The following JADE1 variants were observed in gnomAD, a reference collection of about 807,000 sequenced individuals.
The protein encoded by JADE1 is protein Jade-1.
In JADE1, 14 loss-of-function variants were observed where a neutral mutation model predicts 81.8. That is an observed-to-expected ratio of 0.17 (90% confidence interval 0.11 to 0.27). The LOEUF is 0.27. Ranked by LOEUF, JADE1 falls within the 10% of genes least tolerant of loss-of-function variation. The pLI, the probability that JADE1 is intolerant of heterozygous loss-of-function variation, is 1.00. For missense variants in JADE1, 690 were observed against 1,047.9 expected, an observed-to-expected ratio of 0.66 and a Z score of 4.71; for synonymous variants, 353 against 391.9, an observed-to-expected ratio of 0.90 and a Z score of 1.17.
intron 9 of JADE1, chr4:128,862,752 TAATTC>T (rs1731452971): frequency 1.0e-6 from 1 of 1,003,832 alleles, no homozygotes; most frequent in Non-Finnish European, 1.2e-6. Flanking sequence ...GTTTCTTGGG[TAATTC>T]ACAGGGGAAT....
intron 5 of JADE1, among the ~76,000 whole-genome samples, chr4:128,851,260 C>T (rs1462033279): frequency 6.6e-6 from 1 of 152,160 alleles, no homozygotes; most frequent in Non-Finnish European, 1.5e-5. Context: ...GTTTTTCAAC[C>T]TTGTAGAAGT....
intron 8 of JADE1, among the ~76,000 whole-genome samples, chr4:128,859,417 G>T (rs1431669538): frequency 6.6e-6 from 1 of 152,172 alleles, no homozygotes; most frequent in Non-Finnish European, 1.5e-5. Context: ...GCGTGTGTAT[G>T]CATGTGTGCA....
chr4:128,815,611 G>A (rs1726961546), intron 1 of JADE1, among the ~76,000 whole-genome samples: 1 of 152,140 alleles, frequency 6.6e-6, no homozygotes, highest in Non-Finnish European at 1.5e-5. Context: ...GTACTGAGGT[G>A]GTTGGAACAG....
Position 128,871,702 on chromosome 4 carries a change from G to C in JADE1, c.1969G>C (p.Gly657Arg). The C allele has an allele frequency of 6.2e-7, 1 of 1,614,130 alleles. No individual in the cohort carries two copies. ...AAATGGTGTGGTGATGCCAGACCATGGGAAAAGAAGAGACAATCGTTTTCA... is the reference window on the plus strand; with the variant it reads ...AAATGGTGTGGTGATGCCAGACCATCGGAAAAGAAGAGACAATCGTTTTCA... Reference protein sequence around the residue: ...QKNGVVMPDHGKRRDNRFHCD... With the variant: ...QKNGVVMPDHRKRRDNRFHCD... The change falls in exon 11 of 11, where the codon GGG becomes CGG. Residue 657 changes from glycine to arginine, a missense_variant. By Grantham distance (125) the Gly-to-Arg change is moderately radical. This residue lies in a region of JADE1 where 218 missense variants were observed against 274.3 expected (regional missense o/e 0.79). Coordinates refer to ENST00000226319, the MANE Select transcript of JADE1 (RefSeq NM_199320.4). This position sits in a 1 kb window ranked among gnomAD's most constrained non-coding sequence, Gnocchi z 4.1.
At chr4:128,836,414 A>G (rs932997761) in intron 2 of JADE1, among the ~76,000 whole-genome samples, 2 of 152,046 alleles carry the variant, frequency 1.3e-5, no homozygotes, top group Non-Finnish European at 2.9e-5. Flanking sequence ...TATATAAAAT[A>G]TACTATTCAT....
intron 1 of JADE1, among the ~76,000 whole-genome samples, chr4:128,816,891 T>TTA (rs1727086588): frequency 6.6e-6 from 1 of 152,142 alleles, no homozygotes; most frequent in Middle Eastern, 3.2e-3. Context: ...CTCTTTTTTT[T>TTA]TTTTTGAGAC....
At chr4:128,868,562 A>C (rs1043247203) in intron 10 of JADE1, among the ~76,000 whole-genome samples, 1 of 152,200 alleles carries the variant, frequency 6.6e-6, no homozygotes, top group African/African-American at 2.4e-5. Context: ...AAACAGAAAA[A>C]GAAAACTAGG....
At chr4:128,820,888 A>G (rs1210671455) in intron 1 of JADE1, among the ~76,000 whole-genome samples, 2 of 152,194 alleles carry the variant, frequency 1.3e-5, no homozygotes, top group East Asian at 1.9e-4. Context: ...CTGTATAAGA[A>G]CATCTGGTTT....
chr4:128,813,669 C>T (rs1189118439), intron 1 of JADE1, among the ~76,000 whole-genome samples: 1 of 151,972 alleles, frequency 6.6e-6, no homozygotes, highest in African/African-American at 2.4e-5. Context: ...GATCCGCCCG[C>T]CCCGGCCTCT....
chr4:128,864,073 G>T, intron 9 of JADE1: 2 of 985,090 alleles, frequency 2.0e-6, no homozygotes, highest in Non-Finnish European at 2.4e-6. Context: ...ATCAGGATTT[G>T]TGTGTGTATG....
Position 128,871,687 on chromosome 4 carries a change from G to A in JADE1, c.1954G>A (p.Val652Met), listed in dbSNP as rs1732206164. Residue 652 changes from valine to methionine, a missense_variant, in exon 11 of 11, where the codon GTG becomes ATG. Around this residue, in one of 8 missense-constraint regions of JADE1, gnomAD observed 218 missense variants for 274.3 expected, o/e 0.79. Transcript: ENST00000226319. This position sits in a 1 kb window ranked among gnomAD's most constrained non-coding sequence, Gnocchi z 4.1. ...ATCAGCACAACAGAAAAATGGTGTG[G>A]TGATGCCAGACCATGGGAAAAGAAG... is the stretch of plus-strand genomic sequence containing the variant. ...LISAQQKNGVVMPDHGKRRDN... is the reference protein window; with the variant it reads ...LISAQQKNGVMMPDHGKRRDN... 1.2e-6 allele frequency: 2 copies of A among 1,614,142 alleles called. No homozygotes were observed. The highest frequency in any genetic ancestry group is 1.7e-6 in the Non-Finnish European group (2 of 1,180,004).
At chr4:128,840,499 C>T (rs1296994598) in intron 2 of JADE1, among the ~76,000 whole-genome samples, 3 of 152,178 alleles carry the variant, frequency 2.0e-5, no homozygotes, top group Non-Finnish European at 4.4e-5. Flanking sequence ...CTTCCCTTCC[C>T]CAGACCTTCT....
At chr4:128,812,297 G>GGGAGGA (rs558931543) in intron 1 of JADE1, among the ~76,000 whole-genome samples, 6 of 151,564 alleles carry the variant, frequency 4.0e-5, no homozygotes, top group African/African-American at 1.2e-4. Context: ...CTGTCGCCTC[G>GGGAGGA]GGAGGAGGAG....
rs916367353 is a variant in JADE1 at position 128,859,242 on chromosome 4, A to G, written c.981+1788A>G. Among the ~76,000 whole-genome samples the G allele has an allele frequency of 2.0e-4, 30 of 151,490 alleles. 1 individual carries two copies. Among genetic ancestry groups the G allele is most frequent in the Non-Finnish European group, 2.2e-4 (15 of 67,864 alleles). Reference sequence around the variant, plus strand: ...TGTGAGTATGCGTATGTGGGTGAGCATGCATATGTGTGCATGTGTGGGGGT... The same window carrying G: ...TGTGAGTATGCGTATGTGGGTGAGCGTGCATATGTGTGCATGTGTGGGGGT... On this transcript the variant is annotated intron_variant, in intron 8 of 10. Coordinates refer to ENST00000226319, the MANE Select transcript of JADE1 (RefSeq NM_199320.4).
Position 128,871,870 on chromosome 4 carries a change from A to C in JADE1, c.2137A>C (p.Thr713Pro), listed in dbSNP as rs1732220938. The C allele has an allele frequency of 6.2e-7, 1 of 1,614,110 alleles. No homozygotes were observed. The highest frequency in any genetic ancestry group is 8.5e-7 in the Non-Finnish European group (1 of 1,179,976). Residue 713 changes from threonine to proline, a missense_variant, in exon 11 of 11, where the codon ACA (threonine) becomes CCA (proline). Physicochemically the swap from Thr to Pro is conservative, Grantham distance 38. This residue lies in a region of JADE1 where 218 missense variants were observed against 274.3 expected (regional missense o/e 0.79). Coordinates refer to ENST00000226319, the MANE Select transcript of JADE1 (RefSeq NM_199320.4). This position sits in a 1 kb window ranked among gnomAD's most constrained non-coding sequence, Gnocchi z 4.1. Reference sequence around the variant, plus strand: ...TGGAGTGGGGCAGTCAGCACCTGGCACAAGGAAGGAGATAGTGCCCAAGTG... The same window carrying C: ...TGGAGTGGGGCAGTCAGCACCTGGCCCAAGGAAGGAGATAGTGCCCAAGTG... ...SPGVGQSAPG[T>P]RKEIVPKCNG...
intron 1 of JADE1, among the ~76,000 whole-genome samples, chr4:128,816,669 C>T (rs975673778): frequency 6.6e-6 from 1 of 152,142 alleles, no homozygotes; most frequent in African/African-American, 2.4e-5. Context: ...ACGTTTAATC[C>T]CTTAGACCCA....
intron 4 of JADE1, 24 bp from the exon 5 acceptor site, chr4:128,848,956 C>G (rs764922805): frequency 1.1e-5 from 18 of 1,610,614 alleles, no homozygotes; most frequent in Middle Eastern, 1.7e-4. Context: ...GGTAACCTGG[C>G]TGCCTTGTTT....
At chr4:128,859,821 A>G (rs563428987) in intron 8 of JADE1, among the ~76,000 whole-genome samples, 2 of 152,224 alleles carry the variant, frequency 1.3e-5, no homozygotes, top group African/African-American at 4.8e-5. Flanking sequence ...TTTTCCCAGA[A>G]CATTAATCTA....
At position 128,871,506 on chromosome 4, in the gene JADE1, G is replaced by T; in HGVS notation, c.1773G>T (p.Leu591=). Residue 591 remains leucine (L), a synonymous_variant, in exon 11 of 11, where the codon CTG becomes CTT. Coordinates refer to ENST00000226319, the MANE Select transcript of JADE1 (RefSeq NM_199320.4). This position sits in a 1 kb window ranked among gnomAD's most constrained non-coding sequence, Gnocchi z 4.1. ...KQMGTSLVHS[L]KKPHKRDPLQ... is the part of the protein sequence containing the mutation. Reference sequence around the variant, plus strand: ...TGGGTACTTCCTTGGTTCATTCGCTGAAAAAGCCCCATAAGCGAGATCCTT... The same window carrying T: ...TGGGTACTTCCTTGGTTCATTCGCTTAAAAAGCCCCATAAGCGAGATCCTT... The T allele has an allele frequency of 6.2e-7, 1 of 1,614,146 alleles. No homozygotes were observed. Among genetic ancestry groups the T allele is most frequent in the Middle Eastern group, 1.6e-4 (1 of 6,062 alleles).
Sources: allele counts gnomAD v4.1 joint callset (sites outside exome capture counted in the v4.1 genomes callset), GRCh38; gene constraint gnomAD v4.1.1; regional missense constraint gnomAD v4.1.1; non-coding constraint Gnocchi (gnomAD v3.1); transcripts MANE v1.5; gene names NCBI Gene and HGNC (gene_info 2026-07-23, HGNC 2026-07-21).